DNAH12: variants seen among roughly 807,000 people sequenced by gnomAD.
DNAH12 encodes dynein axonemal heavy chain 12.
DNAH12 carries 285 observed loss-of-function variants against 371.5 expected under a neutral mutation model. The observed-to-expected ratio is 0.77, with a 90% CI of 0.70 to 0.85. DNAH12 has a LOEUF of 0.85. Ranked by LOEUF, DNAH12 falls within the 40% of genes least tolerant of loss-of-function variation. The probability of loss-of-function intolerance (pLI) is 0.00; values close to 1 mark genes in which losing one functional copy is unlikely to be tolerated. For missense variants in DNAH12, 3,611 were observed against 3,689.4 expected, an observed-to-expected ratio of 0.98 and a Z score of 0.55; for synonymous variants, 1,200 against 1,213.0, an observed-to-expected ratio of 0.99 and a Z score of 0.22.
At chr3:57,476,551 G>A (rs112613207) in intron 13 of DNAH12, among the ~76,000 whole-genome samples, 4 of 134,936 alleles carry the variant, frequency 3.0e-5, no homozygotes, top group African/African-American at 2.7e-5. Context: ...GTGACAGAGC[G>A]AGACTCTGTC....
intron 13 of DNAH12, among the ~76,000 whole-genome samples, chr3:57,480,699 C>G (rs1218518098): frequency 6.6e-6 from 1 of 152,138 alleles, no homozygotes; most frequent in African/African-American, 2.4e-5. Context: ...AATCCAGCAG[C>G]ACATCAAAAA....
At chr3:57,309,898 A>G (rs774697986) in intron 67 of DNAH12, 44 bp from the exon 68 acceptor site, 24 of 1,503,590 alleles carry the variant, frequency 1.6e-5, no homozygotes, top group Non-Finnish European at 2.1e-5. Context: ...TTCCCTGGAT[A>G]CTGAAAGGGA....
In DNAH12 at chr3:57,316,761, T is replaced by C. The variant is rs577044043; in HGVS notation, c.10525-2130A>G. Among the ~76,000 whole-genome samples, 4 of 152,302 alleles carry C rather than the reference T, an allele frequency of 2.6e-5. No homozygotes were observed. In the South Asian group the frequency reaches 8.3e-4, roughly 32 times the overall value. ...CGATGGTTTTATAAGTGTTTGGAAG[T>C]TCTTCCTTTGCTGTTCTCTCTCCTG... On this transcript the variant is annotated intron_variant, in intron 65 of 73. Transcript: ENST00000495027.
intron 29 of DNAH12, among the ~76,000 whole-genome samples, chr3:57,444,243 A>G (rs2065403064): frequency 6.6e-6 from 1 of 151,724 alleles, no homozygotes; most frequent in Non-Finnish European, 1.5e-5. Context: ...TAATAATAAT[A>G]CTTATTCTCT....
chr3:57,361,798 T>C (rs1182746104), intron 58 of DNAH12, among the ~76,000 whole-genome samples: 1 of 152,106 alleles, frequency 6.6e-6, no homozygotes, highest in Non-Finnish European at 1.5e-5. Context: ...ACCTATCTGA[T>C]ACTTCTAATA....
chr3:57,365,184 A>G (rs2153331643), intron 57 of DNAH12, among the ~76,000 whole-genome samples: 1 of 152,366 alleles, frequency 6.6e-6, no homozygotes, highest in Non-Finnish European at 1.5e-5. Flanking sequence ...CACTATTCAC[A>G]ATAGCAAAGA....
At chr3:57,450,175 G>A (rs1184564303) in intron 25 of DNAH12, among the ~76,000 whole-genome samples, 1 of 150,558 alleles carries the variant, frequency 6.6e-6, no homozygotes, top group African/African-American at 2.5e-5. Flanking sequence ...TTGAACCTGG[G>A]AGGCGGAGGT....
In DNAH12 at chr3:57,433,699, G is replaced by C; in HGVS notation, c.4785C>G (p.Pro1595=). 2 of 1,551,046 alleles carry C rather than the reference G, an allele frequency of 1.3e-6. No individual in the cohort carries two copies. The highest frequency in any genetic ancestry group is 1.7e-6 in the Non-Finnish European group (2 of 1,146,880). The change falls in exon 31 of 74, where the codon CCC becomes CCG. Residue 1595 remains proline (P), a synonymous_variant. Coordinates refer to ENST00000495027, the MANE Select transcript of DNAH12 (RefSeq NM_001366028.2). The part of the protein sequence containing the change: ...EEKVIYRTVN[P]KSITMGQLFG... ...AAAGTTGGCCCATAGTAATAGATTTGGGGTTTACAGTTCTATAAATGACCT... is the reference window on the plus strand; with the variant it reads ...AAAGTTGGCCCATAGTAATAGATTTCGGGTTTACAGTTCTATAAATGACCT...
intron 60 of DNAH12, among the ~76,000 whole-genome samples, chr3:57,351,237 CCAGCCTGGGCAA>C (rs2062666474): frequency 6.6e-6 from 1 of 151,670 alleles, no homozygotes; most frequent in Admixed American, 6.6e-5. Flanking sequence ...CAACCGCATT[CCAGCCTGGGCAA>C]CAGAGTGAGA....
At chr3:57,406,017 G>T in intron 40 of DNAH12, 65 bp from the exon 41 acceptor site, 1 of 1,427,186 alleles carries the variant, frequency 7.0e-7, no homozygotes, top group Non-Finnish European at 9.4e-7. Flanking sequence ...CATGTAACCA[G>T]TGGAATGTTA....
chr3:57,383,614 T>C (rs1165068405), intron 49 of DNAH12, among the ~76,000 whole-genome samples: 3 of 125,820 alleles, frequency 2.4e-5, no homozygotes, highest in Non-Finnish European at 4.8e-5. Flanking sequence ...AGGCATGGTG[T>C]CATGTGACTG....
intron 43 of DNAH12, among the ~76,000 whole-genome samples, chr3:57,396,464 C>T (rs2063744380): frequency 6.6e-6 from 1 of 151,424 alleles, no homozygotes; most frequent in Non-Finnish European, 1.5e-5. Flanking sequence ...GTGGCATGAT[C>T]TTGGCTCACT....
intron 13 of DNAH12, among the ~76,000 whole-genome samples, chr3:57,480,502 G>A (rs375575443): frequency 7.3e-5 from 11 of 150,706 alleles, no homozygotes; most frequent in African/African-American, 9.8e-5. Context: ...ACAAGGAGGA[G>A]CTGGTACCAT....
intron 9 of DNAH12, among the ~76,000 whole-genome samples, chr3:57,503,077 T>G (rs976954045): frequency 1.3e-5 from 2 of 152,268 alleles, no homozygotes; most frequent in African/African-American, 2.4e-5. Flanking sequence ...TAAAATTGTA[T>G]AGTTTGTAGT....
At chr3:57,523,523 C>G in intron 4 of DNAH12, 60 bp downstream of exon 4, 5 of 1,429,538 alleles carry the variant, frequency 3.5e-6, no homozygotes, top group Non-Finnish European at 3.8e-6. Flanking sequence ...TTAGATGAAA[C>G]TACTTTGCAA....
intron 15 of DNAH12, among the ~76,000 whole-genome samples, chr3:57,471,084 A>G (rs749577374): frequency 3.9e-5 from 6 of 152,082 alleles, no homozygotes; most frequent in Non-Finnish European, 8.8e-5. Flanking sequence ...CTACTCTACA[A>G]ATAGAGAACT....
At chr3:57,466,004 A>G (rs1229932842) in intron 17 of DNAH12, among the ~76,000 whole-genome samples, 1 of 151,992 alleles carries the variant, frequency 6.6e-6, no homozygotes, top group Non-Finnish European at 1.5e-5. Flanking sequence ...TCAACTGTAG[A>G]TTTTAACCTG....
chr3:57,407,707 G>A (rs2064081686), intron 40 of DNAH12, among the ~76,000 whole-genome samples: 1 of 152,098 alleles, frequency 6.6e-6, no homozygotes, highest in Admixed American at 6.5e-5. Flanking sequence ...TTTGAACAGA[G>A]GCAAATAACA....
intron 73 of DNAH12, among the ~76,000 whole-genome samples, chr3:57,294,176 CTTTT>C (rs62779960): frequency 7.7e-6 from 1 of 129,096 alleles, no homozygotes; most frequent in Non-Finnish European, 1.6e-5. Flanking sequence ...CTTTTCTTTT[CTTTT>C]TTTTTTTTTT....
Sources: gnomAD v4.1 joint callset for allele counts (sites outside exome capture counted in the v4.1 genomes callset) on GRCh38, gnomAD v4.1.1 for gene constraint, MANE v1.5 for transcripts, NCBI Gene and HGNC (gene_info 2026-07-23, HGNC 2026-07-21) for gene names.